Variants in AFF3 observed in about 807,000 individuals in gnomAD.
AFF3 encodes the protein ALF transcription elongation factor 3.
AFF3 carries 32 observed loss-of-function variants against 129.7 expected under a neutral mutation model. The observed-to-expected ratio is 0.25, with a 90% confidence interval of 0.19 to 0.33. The LOEUF (loss-of-function observed/expected upper bound fraction) is 0.33. Ranked by LOEUF, AFF3 falls within the 10% of genes least tolerant of loss-of-function variation. The pLI is 1.00. For missense variants in AFF3, 1,373 were observed against 1,592.0 expected, an observed-to-expected ratio of 0.86 and a Z score of 2.34; for synonymous variants, 644 against 635.4, an observed-to-expected ratio of 1.01 and a Z score of -0.20.
intron 11 of AFF3, among the ~76,000 whole-genome samples, chr2:99,679,517 T>C (rs1455351103): frequency 6.6e-6 from 1 of 152,182 alleles, no homozygotes; most frequent in African/African-American, 2.4e-5. Context: ...TGCCAAATCC[T>C]GGTGAGATGC....
intron 4 of AFF3, among the ~76,000 whole-genome samples, chr2:100,072,280 T>C (rs531685198): frequency 6.6e-6 from 1 of 152,174 alleles, no homozygotes; most frequent in Non-Finnish European, 1.5e-5. Flanking sequence ...TATTGTGAAC[T>C]GTGCATGCGA....
chr2:100,124,026 GA>G (rs1692085826), intron 2 of AFF3, among the ~76,000 whole-genome samples: 1 of 152,142 alleles, frequency 6.6e-6, no homozygotes, highest in Admixed American at 6.5e-5. Flanking sequence ...CTAAGAAAAA[GA>G]AACAAAGAAT....
chr2:99,960,179 T>C (rs929740731), intron 7 of AFF3, among the ~76,000 whole-genome samples: 1 of 152,148 alleles, frequency 6.6e-6, no homozygotes, highest in Non-Finnish European at 1.5e-5. Flanking sequence ...ACAATCAAGA[T>C]TTTACAATAA....
chr2:99,844,520 C>T (rs1689586226), intron 7 of AFF3, among the ~76,000 whole-genome samples: 1 of 138,946 alleles, frequency 7.2e-6, no homozygotes, highest in Admixed American at 8.0e-5. Context: ...TCACTGCAAC[C>T]TCTGCCTCCC....
At chr2:99,621,727 G>C (rs1682034728) in intron 13 of AFF3, among the ~76,000 whole-genome samples, 1 of 152,206 alleles carries the variant, frequency 6.6e-6, no homozygotes, top group Non-Finnish European at 1.5e-5. Context: ...AGACTTGAGA[G>C]GCCAGGGGGA....
intron 8 of AFF3, among the ~76,000 whole-genome samples, chr2:99,822,307 T>C (rs560739848): frequency 7.8e-5 from 3 of 38,528 alleles, no homozygotes; most frequent in African/African-American, 5.1e-4. Flanking sequence ...CCAGTGATGC[T>C]AAGACACTGG....
chr2:100,023,817 G>A (rs1683799938), intron 4 of AFF3, among the ~76,000 whole-genome samples: 1 of 152,192 alleles, frequency 6.6e-6, no homozygotes, highest in South Asian at 2.1e-4. Flanking sequence ...GACTAACATA[G>A]CCACCATTCA....
At chr2:99,926,462 C>T (rs1244800828) in intron 7 of AFF3, among the ~76,000 whole-genome samples, 3 of 152,212 alleles carry the variant, frequency 2.0e-5, no homozygotes, top group Admixed American at 6.5e-5. Flanking sequence ...AACAAAGCCT[C>T]CAAACTCAAA....
chr2:99,705,716 A>G (rs557509676), intron 11 of AFF3, among the ~76,000 whole-genome samples: 2 of 151,988 alleles, frequency 1.3e-5, no homozygotes, highest in East Asian at 1.9e-4. Flanking sequence ...TCTACTAAAA[A>G]TACAAAAATT....
intron 8 of AFF3, among the ~76,000 whole-genome samples, chr2:99,785,176 T>C (rs1391829975): frequency 6.6e-6 from 1 of 152,202 alleles, no homozygotes; most frequent in East Asian, 1.9e-4. Flanking sequence ...TGAATTGGCT[T>C]GTCTGTTCTT....
At chr2:99,834,766 C>G (rs902308731) in intron 8 of AFF3, among the ~76,000 whole-genome samples, 3 of 152,158 alleles carry the variant, frequency 2.0e-5, no homozygotes, top group Non-Finnish European at 2.9e-5. Context: ...TCTTGTCACT[C>G]TCTCTCACTT....
chr2:99,885,074 T>C (rs1274810083), intron 7 of AFF3, among the ~76,000 whole-genome samples: 2 of 152,204 alleles, frequency 1.3e-5, no homozygotes, highest in Non-Finnish European at 2.9e-5. Flanking sequence ...CAGCCGTTAA[T>C]AGCCCCTCAT....
chr2:100,127,217 C>A (rs1573468640), intron 2 of AFF3, among the ~76,000 whole-genome samples: 1 of 152,332 alleles, frequency 6.6e-6, no homozygotes, highest in East Asian at 1.9e-4. Context: ...TTTAGAAAAT[C>A]CAGGATTACG....
chr2:99,698,817 A>G (rs1302527277), intron 11 of AFF3, among the ~76,000 whole-genome samples: 1 of 152,236 alleles, frequency 6.6e-6, no homozygotes, highest in Non-Finnish European at 1.5e-5. Context: ...TAGTTAATCA[A>G]AAGAAACATA....
chr2:99,724,928 T>C (rs1229980996), intron 11 of AFF3, among the ~76,000 whole-genome samples: 3 of 152,104 alleles, frequency 2.0e-5, no homozygotes, highest in Non-Finnish European at 4.4e-5. Context: ...TTTTTATATT[T>C]CCAGAGGGTT....
In AFF3 at chr2:99,566,449, G is replaced by A. The variant is rs570383177; in HGVS notation, c.2983-826C>T. ...TGTAATCCCAGTGTTTTGGGAAGGT[G>A]AGGCAGGAGGATCACTCGAGCCTGG... On this transcript the variant is annotated intron_variant, in intron 19 of 24. Transcript: ENST00000672756. 3.9e-5 allele frequency among the ~76,000 whole-genome samples: 6 copies of A among 152,306 alleles called. No homozygotes were observed. In the East Asian group the frequency reaches 1.2e-3, roughly 29 times the overall value.
At position 99,601,418 on chromosome 2, in the gene AFF3, A is replaced by G. The variant is rs766792255; in HGVS notation, c.1371+17T>C. The G allele has an allele frequency of 1.5e-5, 24 of 1,584,714 alleles. No homozygotes were observed. The highest frequency in any genetic ancestry group is 2.0e-5 in the Non-Finnish European group (23 of 1,163,380). On this transcript the variant is annotated intron_variant, in intron 14 of 24. Transcript: ENST00000672756. ...CAGAAGTGGGCAGAGGAGAGGCCTG[A>G]GCCAGGCAGCGCTTACCTCGGGGCT...
At chr2:99,669,457 G>T (rs532767461) in intron 12 of AFF3, among the ~76,000 whole-genome samples, 5 of 99,976 alleles carry the variant, frequency 5.0e-5, no homozygotes, top group African/African-American at 2.4e-4. Flanking sequence ...AAAGAAGCAA[G>T]ACACAAAGAG....
At position 99,960,779 on chromosome 2, in the gene AFF3, T is replaced by C. The variant is rs371369191; in HGVS notation, c.873+45853A>G. Among the ~76,000 whole-genome samples, 64 of 152,274 alleles carry C rather than the reference T, an allele frequency of 4.2e-4. 1 individual carries two copies. The East Asian group carries it at 0.011, about 25-fold the overall frequency. On this transcript the variant is annotated intron_variant, in intron 7 of 24. Coordinates refer to ENST00000672756, the MANE Select transcript of AFF3 (RefSeq NM_001386135.1). ...GAAGAGACATTTGCAGGTTCCAAAA[T>C]GGCCTGGATGTCAGCAGCAGTGCAC...
Sources: allele counts gnomAD v4.1 joint callset (sites outside exome capture counted in the v4.1 genomes callset), GRCh38; gene constraint gnomAD v4.1.1; transcripts MANE v1.5; gene names NCBI Gene and HGNC (gene_info 2026-07-23, HGNC 2026-07-21).